NR1H4: variants seen among roughly 807,000 people sequenced by gnomAD.
NR1H4 encodes bile acid receptor.
A neutral mutation model predicts 58.5 loss-of-function variants in NR1H4; 23 were observed. The ratio of observed to expected loss-of-function variants is 0.39; its 90% CI spans 0.28 to 0.56. The LOEUF (loss-of-function observed/expected upper bound fraction) is 0.56. Ranked by LOEUF, NR1H4 falls within the 20% of genes least tolerant of loss-of-function variation. The pLI is 0.58. For synonymous variants in NR1H4, 214 were observed against 198.0 expected (o/e 1.08, Z -0.68); for missense variants, 487 against 576.9 (o/e 0.84, Z 1.60).
At chr12:100,508,841 A>G (rs535088008) in intron 3 of NR1H4, among the ~76,000 whole-genome samples, 79 of 152,160 alleles carry the variant, frequency 5.2e-4, no homozygotes, top group Admixed American at 1.4e-3. Flanking sequence ...TTTGGCACAC[A>G]CTTTTTTGGT....
intron 4 of NR1H4, among the ~76,000 whole-genome samples, chr12:100,531,896 G>T (rs533585360): frequency 6.6e-6 from 1 of 152,152 alleles, no homozygotes; most frequent in African/African-American, 2.4e-5. Flanking sequence ...CCTTGAATGC[G>T]ATTTTCTCCC....
chr12:100,516,162 A>G (rs1416968578), intron 4 of NR1H4, among the ~76,000 whole-genome samples: 2 of 152,230 alleles, frequency 1.3e-5, no homozygotes, highest in Non-Finnish European at 2.9e-5. Flanking sequence ...ACTCTCCATG[A>G]GGTCATCAAA....
At chr12:100,526,298 T>A (rs1435410506) in intron 4 of NR1H4, among the ~76,000 whole-genome samples, 1 of 152,146 alleles carries the variant, frequency 6.6e-6, no homozygotes, top group African/African-American at 2.4e-5. Flanking sequence ...TGCATTTTAA[T>A]GCTATAAATT....
intron 3 of NR1H4, among the ~76,000 whole-genome samples, chr12:100,506,002 AACACACACACACACAC>A (rs398020830): frequency 7.1e-6 from 1 of 141,028 alleles, no homozygotes; most frequent in Admixed American, 7.2e-5. Context: ...AAGTGTTTAT[AACACACACACACACAC>A]ACACACACAC....
intron 5 of NR1H4, among the ~76,000 whole-genome samples, chr12:100,534,270 T>C (rs1347082176): frequency 6.6e-6 from 1 of 152,220 alleles, no homozygotes; most frequent in Non-Finnish European, 1.5e-5. Context: ...TCACCTTGTA[T>C]TATTTTTATT....
chr12:100,501,859 G>T (rs948647134), intron 3 of NR1H4, among the ~76,000 whole-genome samples: 4 of 152,078 alleles, frequency 2.6e-5, no homozygotes, highest in Non-Finnish European at 4.4e-5. Flanking sequence ...CTCATCTAAG[G>T]TTACACAGTG....
intron 1 of NR1H4, among the ~76,000 whole-genome samples, chr12:100,488,803 T>C (rs1373186382): frequency 6.6e-6 from 1 of 152,234 alleles, no homozygotes; most frequent in African/African-American, 2.4e-5. Flanking sequence ...TGTAAAAATG[T>C]CAATTTTTAT....
At chr12:100,493,533 A>G (rs1198005452) in intron 3 of NR1H4, 131 bp downstream of exon 3, 3 of 652,588 alleles carry the variant, frequency 4.6e-6, no homozygotes, top group South Asian at 3.4e-5. Flanking sequence ...TACTCAATCA[A>G]TGTTAGCTAC....
intron 9 of NR1H4, among the ~76,000 whole-genome samples, chr12:100,543,175 TG>T (rs1954977136): frequency 6.6e-6 from 1 of 152,002 alleles, no homozygotes; most frequent in South Asian, 2.1e-4. Context: ...GCTCAGGGAA[TG>T]CACACAAAGA....
At chr12:100,480,102 C>G (rs1005611720) in intron 1 of NR1H4, among the ~76,000 whole-genome samples, 6 of 152,160 alleles carry the variant, frequency 3.9e-5, no homozygotes, top group African/African-American at 1.4e-4. Context: ...TTTCTAAAAC[C>G]TAGACCGAAA....
At chr12:100,476,047 A>G (rs373478995) in intron 1 of NR1H4, among the ~76,000 whole-genome samples, 20 of 152,246 alleles carry the variant, frequency 1.3e-4, no homozygotes, top group East Asian at 1.2e-3. Flanking sequence ...AGTTTTTCTT[A>G]TACTCATTTT....
intron 1 of NR1H4, among the ~76,000 whole-genome samples, chr12:100,487,759 C>T (rs1953525409): frequency 6.6e-6 from 1 of 151,210 alleles, no homozygotes; most frequent in African/African-American, 2.4e-5. Context: ...TTACAGGCAC[C>T]TGCCACCACG....
chr12:100,533,815 A>G (rs2136231667), intron 5 of NR1H4, among the ~76,000 whole-genome samples: 1 of 152,178 alleles, frequency 6.6e-6, no homozygotes, highest in Non-Finnish European at 1.5e-5. Context: ...ACTTTGTTTT[A>G]TTGGCATTGA....
At chr12:100,559,677 C>T (rs1955418860) in intron 9 of NR1H4, among the ~76,000 whole-genome samples, 1 of 152,224 alleles carries the variant, frequency 6.6e-6, no homozygotes, top group Non-Finnish European at 1.5e-5. Context: ...ACTCCATGGG[C>T]TCCTGTGCGG....
chr12:100,549,057 G>A (rs1955145724), intron 9 of NR1H4, among the ~76,000 whole-genome samples: 2 of 152,004 alleles, frequency 1.3e-5, no homozygotes, highest in South Asian at 4.1e-4. Flanking sequence ...ACACATTCCA[G>A]GCCGGGCACA....
At chr12:100,496,477 G>A (rs1348940088) in intron 3 of NR1H4, among the ~76,000 whole-genome samples, 1 of 152,136 alleles carries the variant, frequency 6.6e-6, no homozygotes, top group Non-Finnish European at 1.5e-5. Flanking sequence ...GGACTCAGAA[G>A]GACCTTGTCT....
At chr12:100,521,020 C>T (rs1003916658) in intron 4 of NR1H4, among the ~76,000 whole-genome samples, 3 of 151,918 alleles carry the variant, frequency 2.0e-5, no homozygotes, top group Non-Finnish European at 4.4e-5. Context: ...ATTTATATTA[C>T]ATTATATTAT....
chr12:100,534,971 A>G lies in NR1H4; in HGVS notation c.680A>G (p.Asp227Gly). The change falls in exon 6 of 11, where the codon GAC (aspartate) becomes GGC (glycine). Residue 227 changes from aspartate (D) to glycine (G), a missense_variant. By Grantham distance (94) the Asp-to-Gly change is moderately conservative. Transcript: ENST00000392986. ...KQHADQTVNE[D>G]SEGRDLRQVT... ...CATGCAGATCAGACCGTGAATGAAG[A>G]CAGTGAAGGTCGTGACTTGCGACAA... The G allele has an allele frequency of 6.2e-7, 1 of 1,614,248 alleles. No individual in the cohort carries two copies. Among genetic ancestry groups the G allele is most frequent in the Non-Finnish European group, 8.5e-7 (1 of 1,180,036 alleles).
intron 9 of NR1H4, among the ~76,000 whole-genome samples, chr12:100,553,697 C>A (rs1207169001): frequency 6.6e-6 from 1 of 152,184 alleles, no homozygotes; most frequent in African/African-American, 2.4e-5. Context: ...AGGGGCAGAA[C>A]CCACCATCGG....
Sources: allele counts gnomAD v4.1 joint callset (sites outside exome capture counted in the v4.1 genomes callset), GRCh38; gene constraint gnomAD v4.1.1; transcripts MANE v1.5; gene names NCBI Gene and HGNC (gene_info 2026-07-23, HGNC 2026-07-21).